CBL: variants seen among roughly 807,000 people sequenced by gnomAD.
CBL encodes E3 ubiquitin-protein ligase CBL.
Under a neutral mutation model 96.9 loss-of-function variants are expected in CBL, and 45 were observed. That is an observed-to-expected ratio of 0.46 (90% CI 0.37 to 0.60). CBL has a LOEUF of 0.60. Among genes scored for constraint, CBL ranks in the 20% least tolerant of loss-of-function variants. The pLI, the probability that CBL is intolerant of heterozygous loss-of-function variation, is 0.00. For synonymous variants in CBL, 420 were observed against 426.8 expected (o/e 0.98, Z 0.20); for missense variants, 1,024 against 1,143.5 (o/e 0.90, Z 1.51).
chr11:119,219,395 G>A (rs1461242110), intron 1 of CBL, among the ~76,000 whole-genome samples: 5 of 150,498 alleles, frequency 3.3e-5, no homozygotes, highest in Non-Finnish European at 7.4e-5. Flanking sequence ...AAAAAAGAAA[G>A]AAAGAAAGAA....
intron 2 of CBL, among the ~76,000 whole-genome samples, chr11:119,234,158 C>T (rs1330063239): frequency 1.3e-5 from 2 of 152,118 alleles, no homozygotes; most frequent in African/African-American, 2.4e-5. Context: ...AAGCATGCAC[C>T]GCTGTGCCCG....
chr11:119,231,993 C>G (rs562100896), intron 1 of CBL, among the ~76,000 whole-genome samples: 1 of 151,620 alleles, frequency 6.6e-6, no homozygotes, highest in Non-Finnish European at 1.5e-5. Flanking sequence ...TCCCAGCTAC[C>G]CAGGAGGCTG....
intron 2 of CBL, among the ~76,000 whole-genome samples, chr11:119,247,211 A>G (rs866204723): frequency 3.3e-5 from 5 of 152,180 alleles, no homozygotes; most frequent in Non-Finnish European, 4.4e-5. Flanking sequence ...GTACATGAAA[A>G]CACAGTTAAT....
intron 13 of CBL, 104 bp from the exon 14 acceptor site, chr11:119,297,280 A>G: frequency 1.0e-6 from 1 of 956,140 alleles, no homozygotes; most frequent in South Asian, 1.3e-5. Flanking sequence ...GTCAACTTTA[A>G]CATTTATTAG....
At chr11:119,275,195 C>T (rs919865814) in intron 5 of CBL, among the ~76,000 whole-genome samples, 1 of 152,234 alleles carries the variant, frequency 6.6e-6, no homozygotes, top group Non-Finnish European at 1.5e-5. Flanking sequence ...CATCCCAGCA[C>T]TTTGGGAGGC....
At chr11:119,217,388 C>T (rs2135253661) in intron 1 of CBL, among the ~76,000 whole-genome samples, 1 of 152,348 alleles carries the variant, frequency 6.6e-6, no homozygotes, top group Admixed American at 6.5e-5. Flanking sequence ...GCTGGGATTA[C>T]AGGCGTGAGC....
chr11:119,207,566 G>A (rs1031826182), intron 1 of CBL, among the ~76,000 whole-genome samples: 2 of 152,194 alleles, frequency 1.3e-5, no homozygotes, highest in Admixed American at 6.5e-5. Context: ...TAGCCACTAA[G>A]TTTGTCATTT....
At position 119,304,810 on chromosome 11, in the gene CBL, G is replaced by A. The variant is rs1416865688; in HGVS notation, c.*5029G>A. Reference sequence around the variant, plus strand: ...CCAGCTAATGTTCATATTTTTAGTAGAGACAGGGTTTCACCGTCTTGGCTA... The same window carrying A: ...CCAGCTAATGTTCATATTTTTAGTAAAGACAGGGTTTCACCGTCTTGGCTA... On this transcript the variant is annotated 3_prime_UTR_variant, in exon 16 of 16. Coordinates refer to ENST00000264033, the MANE Select transcript of CBL (RefSeq NM_005188.4). 5 of 188,382 alleles carry A rather than the reference G, an allele frequency of 2.7e-5. No homozygotes were observed. The highest frequency in any genetic ancestry group is 5.6e-5 in the Non-Finnish European group (5 of 89,616). The allele number at this position is 188,382 out of a possible 1,614,324, so 11.7% of individuals were successfully genotyped here.
intron 5 of CBL, among the ~76,000 whole-genome samples, chr11:119,275,326 T>A (rs1180234457): frequency 3.3e-5 from 5 of 152,044 alleles, no homozygotes; most frequent in African/African-American, 1.2e-4. Context: ...TAATCCCAGC[T>A]ACTCAGGAGG....
In CBL at chr11:119,260,939, CTTTTTTTTT is replaced by C. The variant is rs35248070; in HGVS notation, c.444-10784_444-10776del. 3.0e-3 allele frequency among the ~76,000 whole-genome samples: 271 copies of C among 89,936 alleles called. 5 individuals carry two copies. The highest frequency in any genetic ancestry group is 0.013 in the African/African-American group (252 of 19,882). 59.0% of individuals were successfully genotyped at this position (89,936 alleles called of 152,430 possible). ...TTTCACTTTGGCAGTTAAATCTCTA[CTTTTTTTTT>C]TTTTTTTTTTTAATGGAGGCAAAGT... On this transcript the variant is annotated intron_variant, in intron 2 of 15. Transcript: ENST00000264033.
In CBL at chr11:119,273,451, G is replaced by T. The variant is rs140475865; in HGVS notation, c.591-417G>T. Among the ~76,000 whole-genome samples, 10 of 152,212 alleles carry T rather than the reference G, an allele frequency of 6.6e-5. No homozygotes were observed. The East Asian group carries it at 1.5e-3, about 23-fold the overall frequency. On this transcript the variant is annotated intron_variant, in intron 3 of 15. Transcript: ENST00000264033. Reference sequence around the variant, plus strand: ...TTTTCTTTTCTTGTTTTGCAGCAAGGTTTCACTCTGTTGCCCAGGCTGTAG... The same window carrying T: ...TTTTCTTTTCTTGTTTTGCAGCAAGTTTTCACTCTGTTGCCCAGGCTGTAG...
chr11:119,274,804 T>C (rs771780815), intron 4 of CBL, 28 bp from the exon 5 acceptor site: 1 of 1,598,466 alleles, frequency 6.3e-7, no homozygotes, highest in Non-Finnish European at 8.5e-7. Context: ...CTGACCTGAA[T>C]AGTCTGTGAT....
chr11:119,283,862 C>T (rs1949959188), intron 9 of CBL, among the ~76,000 whole-genome samples: 1 of 151,778 alleles, frequency 6.6e-6, no homozygotes, highest in Admixed American at 6.6e-5. Context: ...TGGTCTCGAT[C>T]TCCTGACCTC....
In CBL at chr11:119,273,959, A is replaced by G. The variant is rs2135298951; in HGVS notation, c.682A>G (p.Ile228Val). ...GGAGGCCATGGCTCTGAAATCCACT[A>G]TTGATCTGACCTGCAATGATTATAT... is the stretch of plus-strand genomic sequence containing the variant. ...GLEAMALKSTIDLTCNDYISV... is the reference protein window; with the variant it reads ...GLEAMALKSTVDLTCNDYISV... Residue 228 changes from isoleucine to valine, a missense_variant, in exon 4 of 16, where the codon ATT (isoleucine) becomes GTT (valine). Physicochemically the swap from Ile to Val is conservative, Grantham distance 29. Around this residue, in one of 4 missense-constraint regions of CBL, gnomAD observed 192 missense variants for 321.8 expected, o/e 0.60. Coordinates refer to ENST00000264033, the MANE Select transcript of CBL (RefSeq NM_005188.4). The G allele has an allele frequency of 1.2e-6, 2 of 1,613,842 alleles. No homozygotes were observed. Among genetic ancestry groups the G allele is most frequent in the Non-Finnish European group, 1.7e-6 (2 of 1,179,822 alleles).
chr11:119,283,621 C>CTTTTTT, intron 9 of CBL, among the ~76,000 whole-genome samples: 1 of 36,496 alleles, frequency 2.7e-5, no homozygotes. Flanking sequence ...CTTTTTAATT[C>CTTTTTT]TTTCTTTTTT....
chr11:119,302,842 T>C lies in CBL; in HGVS notation c.*3061T>C. 4.3e-6 allele frequency: 1 copy of C among 231,312 alleles called. No individual in the cohort carries two copies. Among genetic ancestry groups the C allele is most frequent in the Non-Finnish European group, 8.6e-6 (1 of 116,856 alleles). The allele number at this position is 231,312 out of a possible 1,614,324, so 14.3% of individuals were successfully genotyped here. A position where few individuals can be genotyped will look rare whatever the true frequency, so the allele number is the denominator to read the frequency against. On this transcript the variant is annotated 3_prime_UTR_variant, in exon 16 of 16. Coordinates refer to ENST00000264033, the MANE Select transcript of CBL (RefSeq NM_005188.4). ...TTTTGTGAATAGTGCTCTCTACCTG[T>C]GGGTGGCCGTTCTCTTCCACTTGCT...
intron 1 of CBL, among the ~76,000 whole-genome samples, chr11:119,221,357 G>A (rs900665570): frequency 2.0e-5 from 3 of 152,148 alleles, no homozygotes; most frequent in Middle Eastern, 3.4e-3. Flanking sequence ...TTCAAGACCA[G>A]TCTAGGCAAC....
intron 2 of CBL, among the ~76,000 whole-genome samples, chr11:119,260,657 T>G (rs372808836): frequency 4.6e-5 from 7 of 152,284 alleles, no homozygotes; most frequent in Non-Finnish European, 8.8e-5. Context: ...ATCTCCTCTC[T>G]TACTCAGTCA....
intron 2 of CBL, among the ~76,000 whole-genome samples, chr11:119,253,988 CAAA>C (rs55881003): frequency 0.13 from 8,515 of 66,740 alleles, 207 homozygotes; most frequent in Non-Finnish European, 0.14. Context: ...GACCTTGACT[CAAA>C]AAAAAAAAAA....
Sources: gnomAD v4.1 joint callset for allele counts (sites outside exome capture counted in the v4.1 genomes callset) on GRCh38, gnomAD v4.1.1 for gene constraint, gnomAD v4.1.1 regional missense constraint, MANE v1.5 for transcripts, NCBI Gene and HGNC (gene_info 2026-07-23, HGNC 2026-07-21) for gene names.